The following KCNQ3 variants were observed in gnomAD, a reference collection of about 807,000 sequenced individuals.
KCNQ3 encodes the protein potassium voltage-gated channel subfamily Q member 3, also known as potassium voltage-gated channel subfamily KQT member 3.
Under a neutral mutation model 92.5 loss-of-function variants are expected in KCNQ3, and 30 were observed. That is an observed-to-expected ratio of 0.32 (90% CI 0.24 to 0.44). KCNQ3 has a LOEUF of 0.44. Among genes scored for constraint, KCNQ3 ranks in the 20% least tolerant of loss-of-function variants. The pLI is 1.00. For synonymous variants in KCNQ3, 450 were observed against 468.8 expected (o/e 0.96, Z 0.52); for missense variants, 913 against 1,140.3 (o/e 0.80, Z 2.87).
intron 1 of KCNQ3, among the ~76,000 whole-genome samples, chr8:132,458,489 C>G (rs1201401352): frequency 2.0e-5 from 3 of 152,252 alleles, no homozygotes; most frequent in Non-Finnish European, 4.4e-5. Context: ...GAGTCTCACT[C>G]TGATGCCCAG....
At chr8:132,262,095 G>A (rs1021473459) in intron 1 of KCNQ3, among the ~76,000 whole-genome samples, 1 of 152,208 alleles carries the variant, frequency 6.6e-6, no homozygotes, top group Non-Finnish European at 1.5e-5. Context: ...GTAAGTGAAA[G>A]AGGTGGGACA....
chr8:132,327,119 T>C (rs1215720290), intron 1 of KCNQ3, among the ~76,000 whole-genome samples: 1 of 152,238 alleles, frequency 6.6e-6, no homozygotes, highest in Non-Finnish European at 1.5e-5. Flanking sequence ...TCTGTCTATG[T>C]GCAAGGCATG....
Position 132,194,610 on chromosome 8 carries a change from G to A in KCNQ3, c.387-8429C>T, listed in dbSNP as rs147322107. Among the ~76,000 whole-genome samples, 202 of 152,336 alleles carry A rather than the reference G, an allele frequency of 1.3e-3. 2 individuals are homozygous for A. Among genetic ancestry groups the A allele is most frequent in the African/African-American group, 4.8e-3 (200 of 41,572 alleles). On this transcript the variant is annotated intron_variant, in intron 1 of 14. Coordinates refer to ENST00000388996, the MANE Select transcript of KCNQ3 (RefSeq NM_004519.4). ...GGAAATGCCATTATTGATTCGTGAT[G>A]TCTGTCACAGGTGCAGGAAAAGACC...
chr8:132,140,235 AC>A, intron 10 of KCNQ3, 57 bp from the exon 11 acceptor site: 2 of 1,301,852 alleles, frequency 1.5e-6, no homozygotes, highest in Non-Finnish European at 2.2e-6. Context: ...AGGCTTGGGG[AC>A]CCCACTGTTC....
chr8:132,340,167 T>TA (rs1286436276), intron 1 of KCNQ3, among the ~76,000 whole-genome samples: 1 of 151,808 alleles, frequency 6.6e-6, no homozygotes, highest in African/African-American at 2.4e-5. Context: ...TTGGTAGGAG[T>TA]GTAAATTAGT....
intron 12 of KCNQ3, among the ~76,000 whole-genome samples, chr8:132,137,174 G>T (rs939180988): frequency 6.6e-6 from 1 of 151,966 alleles, no homozygotes; most frequent in Non-Finnish European, 1.5e-5. Flanking sequence ...CCCAACCAAT[G>T]ACTGCATAAC....
intron 8 of KCNQ3, among the ~76,000 whole-genome samples, chr8:132,166,879 G>A (rs1826158295): frequency 6.6e-6 from 1 of 152,116 alleles, no homozygotes; most frequent in Admixed American, 6.5e-5. Flanking sequence ...AAAACAGTCT[G>A]GCAGTTCCTC....
At position 132,433,952 on chromosome 8, in the gene KCNQ3, T is replaced by C. The variant is rs535475967; in HGVS notation, c.386+46195A>G. On this transcript the variant is annotated intron_variant, in intron 1 of 14. Transcript: ENST00000388996. ...GGCCGGGCACGGTGGCTCATGCCTG[T>C]AATCCCAGCACTTTGGGAGGCCGAG... Among the ~76,000 whole-genome samples, 1,176 of 152,106 alleles carry C rather than the reference T, an allele frequency of 7.7e-3. 6 individuals carry two copies. The highest frequency in any genetic ancestry group is 0.013 in the Non-Finnish European group (906 of 67,994).
In KCNQ3 at chr8:132,203,871, G is replaced by A. The variant is rs1003443156; in HGVS notation, c.387-17690C>T. Reference sequence around the variant, plus strand: ...TATTTTTATTATCACATAACATGGTGCCTGGGGAATTTGTAAATTCTTAAT... The same window carrying A: ...TATTTTTATTATCACATAACATGGTACCTGGGGAATTTGTAAATTCTTAAT... On this transcript the variant is annotated intron_variant, in intron 1 of 14. Transcript: ENST00000388996. Among the ~76,000 whole-genome samples, 4 of 152,280 alleles carry A rather than the reference G, an allele frequency of 2.6e-5. No individual in the cohort carries two copies. The East Asian group carries it at 7.7e-4, about 29-fold the overall frequency.
chr8:132,412,413 G>C (rs1369643336), intron 1 of KCNQ3, among the ~76,000 whole-genome samples: 2 of 152,144 alleles, frequency 1.3e-5, no homozygotes, highest in African/African-American at 4.8e-5. Context: ...ATGGCTCTTA[G>C]GTGAGGAAGC....
At chr8:132,438,813 A>G (rs928530301) in intron 1 of KCNQ3, among the ~76,000 whole-genome samples, 2 of 151,916 alleles carry the variant, frequency 1.3e-5, no homozygotes, top group Non-Finnish European at 2.9e-5. Flanking sequence ...GTTCATGAAC[A>G]GTCTAGGCTA....
intron 1 of KCNQ3, among the ~76,000 whole-genome samples, chr8:132,384,973 C>T (rs1819853594): frequency 6.6e-6 from 1 of 152,202 alleles, no homozygotes; most frequent in African/African-American, 2.4e-5. Flanking sequence ...ACAGATCTTC[C>T]CTCTGGAACA....
intron 1 of KCNQ3, among the ~76,000 whole-genome samples, chr8:132,196,412 T>C (rs970219506): frequency 6.6e-6 from 1 of 152,186 alleles, no homozygotes; most frequent in Non-Finnish European, 1.5e-5. Flanking sequence ...AATCCACCCA[T>C]TCCTTGACAT....
chr8:132,344,794 C>T (rs931306157), intron 1 of KCNQ3, among the ~76,000 whole-genome samples: 3 of 152,092 alleles, frequency 2.0e-5, no homozygotes, highest in Admixed American at 6.6e-5. Context: ...GTAATGGAGA[C>T]TGGAGAGGAA....
At chr8:132,245,042 C>A (rs182483631) in intron 1 of KCNQ3, among the ~76,000 whole-genome samples, 1 of 151,592 alleles carries the variant, frequency 6.6e-6, no homozygotes, top group Non-Finnish European at 1.5e-5. Context: ...CCACAATATA[C>A]ATACCTTTTT....
intron 1 of KCNQ3, among the ~76,000 whole-genome samples, chr8:132,439,693 G>C (rs981381485): frequency 6.6e-6 from 1 of 152,098 alleles, no homozygotes; most frequent in African/African-American, 2.4e-5. Context: ...GGTAGAAGGA[G>C]CCATGAGCTG....
chr8:132,327,600 C>T (rs531893165), intron 1 of KCNQ3, among the ~76,000 whole-genome samples: 1 of 152,254 alleles, frequency 6.6e-6, no homozygotes, highest in African/African-American at 2.4e-5. Context: ...ATGTGCCTAC[C>T]TGGAGCCCAT....
At chr8:132,130,457 T>C (rs1404427156) in intron 14 of KCNQ3, among the ~76,000 whole-genome samples, 3 of 152,214 alleles carry the variant, frequency 2.0e-5, no homozygotes, top group African/African-American at 7.2e-5. Context: ...AAACAGCTAA[T>C]AATTTATTTT....
chr8:132,338,636 C>T (rs186714096), intron 1 of KCNQ3, among the ~76,000 whole-genome samples: 28 of 152,272 alleles, frequency 1.8e-4, no homozygotes, highest in East Asian at 7.7e-4. Context: ...CACTCAGTAG[C>T]GTCACCCTCA....
Sources: allele counts gnomAD v4.1 joint callset (sites outside exome capture counted in the v4.1 genomes callset), GRCh38; gene constraint gnomAD v4.1.1; transcripts MANE v1.5; gene names NCBI Gene and HGNC (gene_info 2026-07-23, HGNC 2026-07-21).